KIAA1549: variants seen among roughly 807,000 people sequenced by gnomAD.
KIAA1549 encodes the protein UPF0606 protein KIAA1549.
Under a neutral mutation model 156.4 loss-of-function variants are expected in KIAA1549, and 70 were observed. That is an observed-to-expected ratio of 0.45 (90% CI 0.37 to 0.55). The LOEUF (loss-of-function observed/expected upper bound fraction) is 0.55. KIAA1549 is among the 20% of genes least tolerant of loss of function. The probability of loss-of-function intolerance (pLI) is 0.00; values close to 1 mark genes in which losing one functional copy is unlikely to be tolerated. For synonymous variants in KIAA1549, 1,103 were observed against 1,066.4 expected (o/e 1.03, Z -0.67); for missense variants, 2,428 against 2,540.9 (o/e 0.96, Z 0.96).
intron 10 of KIAA1549, among the ~76,000 whole-genome samples, chr7:138,891,642 G>A (rs1039383338): frequency 1.1e-4 from 17 of 152,166 alleles, no homozygotes; most frequent in Non-Finnish European, 2.2e-4. Context: ...GGGGAAGGGG[G>A]GTGCAGATTT....
At chr7:138,941,152 A>G (rs1813172450) in intron 1 of KIAA1549, among the ~76,000 whole-genome samples, 1 of 152,208 alleles carries the variant, frequency 6.6e-6, no homozygotes, top group South Asian at 2.1e-4. Context: ...TGGGGTCTGG[A>G]ACAATAATGT....
rs1554415310 is a variant in KIAA1549 at position 138,883,116 on chromosome 7, AAT to A, written c.4033-1534_4033-1533del. On this transcript the variant is annotated intron_variant, in intron 10 of 19. Coordinates refer to ENST00000422774, the MANE Select transcript of KIAA1549 (RefSeq NM_001164665.2). ...AAAAAAAAAAAAAAAAAAAAAAAAA[AAT>A]TCAGCCAGACATGGTATGGTGGTGC... Among the ~76,000 whole-genome samples the A allele has an allele frequency of 5.1e-3, 638 of 124,416 alleles. 114 individuals are homozygous for A. The highest frequency in any genetic ancestry group is 0.018 in the African/African-American group (593 of 32,308). 81.6% of individuals were successfully genotyped at this position (124,416 alleles called of 152,430 possible). A position where few individuals can be genotyped will look rare whatever the true frequency, so the allele number is the denominator to read the frequency against.
At chr7:138,956,457 C>A (rs1813667367) in intron 1 of KIAA1549, among the ~76,000 whole-genome samples, 1 of 152,188 alleles carries the variant, frequency 6.6e-6, no homozygotes, top group African/African-American at 2.4e-5. Flanking sequence ...CCATAATTCC[C>A]ATGTGTTGTG....
Position 138,948,517 on chromosome 7 carries a change from G to A in KIAA1549, c.188-29079C>T, listed in dbSNP as rs575286482. 1.1e-4 allele frequency among the ~76,000 whole-genome samples: 16 copies of A among 152,280 alleles called. No individual in the cohort carries two copies. The South Asian group carries it at 3.3e-3, about 32-fold the overall frequency. ...TCCAAAACCGTGAGAGTAAACTTCT[G>A]TCATTTAAGCCACCCAGTCTGTGGT... On this transcript the variant is annotated intron_variant, in intron 1 of 19. Transcript: ENST00000422774.
At chr7:138,894,657 T>C in intron 9 of KIAA1549, 131 bp from the exon 10 acceptor site, 2 of 782,328 alleles carry the variant, frequency 2.6e-6, no homozygotes, top group Non-Finnish European at 4.1e-6. Context: ...GGTTCTAATC[T>C]CCTGATGACA....
At chr7:138,892,184 C>CA (rs140822034) in intron 10 of KIAA1549, among the ~76,000 whole-genome samples, 2,109 of 152,244 alleles carry the variant, frequency 0.014, 23 homozygotes, top group Non-Finnish European at 0.018. Context: ...AAACTCTGTC[C>CA]ATTTGATTTA....
chr7:138,976,508 T>C (rs182884781), intron 1 of KIAA1549, among the ~76,000 whole-genome samples: 9 of 152,382 alleles, frequency 5.9e-5, no homozygotes, highest in African/African-American at 9.6e-5. Context: ...CTGAGGTATT[T>C]TGAGATACAG....
At chr7:138,909,245 C>T (rs1584747968) in intron 4 of KIAA1549, 124 bp from the exon 5 acceptor site, 2 of 952,564 alleles carry the variant, frequency 2.1e-6, no homozygotes, top group East Asian at 2.7e-5. Flanking sequence ...GGATTAAGTA[C>T]TGTGATGTAA....
intron 8 of KIAA1549, 25 bp downstream of exon 8, chr7:138,903,563 C>T: frequency 6.2e-7 from 1 of 1,608,946 alleles, no homozygotes; most frequent in Non-Finnish European, 8.5e-7. Flanking sequence ...CTCTCTCCTT[C>T]CCCTCCTCCT....
At chr7:138,966,508 A>ACT (rs1814029971) in intron 1 of KIAA1549, among the ~76,000 whole-genome samples, 1 of 152,112 alleles carries the variant, frequency 6.6e-6, no homozygotes, top group Non-Finnish European at 1.5e-5. Context: ...CGAGTCCCAA[A>ACT]TCTGAAGAAC....
intron 1 of KIAA1549, among the ~76,000 whole-genome samples, chr7:138,940,129 A>AG (rs1813135413): frequency 6.6e-6 from 1 of 152,094 alleles, no homozygotes; most frequent in Non-Finnish European, 1.5e-5. Flanking sequence ...CTCGTCATTT[A>AG]TATTAGGTAT....
At chr7:138,970,170 C>T (rs760997951) in intron 1 of KIAA1549, among the ~76,000 whole-genome samples, 4 of 152,202 alleles carry the variant, frequency 2.6e-5, no homozygotes, top group Non-Finnish European at 4.4e-5. Context: ...TCCTCCCAGA[C>T]GACAGTTTGT....
intron 8 of KIAA1549, among the ~76,000 whole-genome samples, chr7:138,902,408 A>G (rs1319823111): frequency 6.6e-6 from 1 of 152,028 alleles, no homozygotes; most frequent in Non-Finnish European, 1.5e-5. Flanking sequence ...TCAGAGTTCT[A>G]CCCTGGTTTC....
chr7:138,963,619 A>G (rs1223690437), intron 1 of KIAA1549, among the ~76,000 whole-genome samples: 1 of 152,198 alleles, frequency 6.6e-6, no homozygotes, highest in African/African-American at 2.4e-5. Flanking sequence ...TTTATGAAGA[A>G]CCAAAAAGGC....
At position 138,981,021 on chromosome 7, in the gene KIAA1549, A is replaced by T; in HGVS notation, c.187+62T>A. ...GGGCGGGGAAAGCCGGGGTTTTGAA[A>T]ACAGCAGCGATAAAGGCAGGCGGGG... On this transcript the variant is annotated intron_variant, in intron 1 of 19. Coordinates refer to ENST00000422774, the MANE Select transcript of KIAA1549 (RefSeq NM_001164665.2). This position sits in a 1 kb window ranked among gnomAD's most constrained non-coding sequence, Gnocchi z 4.5. 1 of 1,196,576 alleles carries T rather than the reference A, an allele frequency of 8.4e-7. No homozygotes were observed. The highest frequency in any genetic ancestry group is 1.0e-6 in the Non-Finnish European group (1 of 963,402). The allele number at this position is 1,196,576 out of a possible 1,614,324, so 74.1% of individuals were successfully genotyped here. A position where few individuals can be genotyped will look rare whatever the true frequency, so the allele number is the denominator to read the frequency against.
chr7:138,898,826 C>T, intron 9 of KIAA1549, 129 bp downstream of exon 9: 2 of 781,822 alleles, frequency 2.6e-6, no homozygotes. Flanking sequence ...TGAATTTTAA[C>T]AACTGGCACT....
At chr7:138,862,995 GAA>G (rs1810632611) in intron 15 of KIAA1549, among the ~76,000 whole-genome samples, 1 of 152,160 alleles carries the variant, frequency 6.6e-6, no homozygotes, top group Non-Finnish European at 1.5e-5. Context: ...TTAAGAGGTA[GAA>G]ATATAAGTAA....
chr7:138,953,964 G>A (rs1445891378), intron 1 of KIAA1549, among the ~76,000 whole-genome samples: 1 of 152,126 alleles, frequency 6.6e-6, no homozygotes, highest in Non-Finnish European at 1.5e-5. Context: ...AAAATAAATG[G>A]TGCATCACAC....
At chr7:138,857,128 G>T (rs1437682281) in intron 16 of KIAA1549, among the ~76,000 whole-genome samples, 1 of 152,106 alleles carries the variant, frequency 6.6e-6, no homozygotes, top group Non-Finnish European at 1.5e-5. Context: ...GCAGAAAGCA[G>T]ATCATGGGAT....
Sources: gnomAD v4.1 joint callset for allele counts (sites outside exome capture counted in the v4.1 genomes callset) on GRCh38, gnomAD v4.1.1 for gene constraint, Gnocchi (gnomAD v3.1) non-coding constraint, MANE v1.5 for transcripts, NCBI Gene and HGNC (gene_info 2026-07-23, HGNC 2026-07-21) for gene names.